Variants in TMEM117 observed in about 807,000 individuals in gnomAD.
The protein encoded by TMEM117 is transmembrane protein 117.
TMEM117 carries 27 observed loss-of-function variants against 52.4 expected under a neutral mutation model. The observed-to-expected ratio is 0.51, with a 90% confidence interval of 0.38 to 0.71. TMEM117 has a LOEUF of 0.71. Ranked by LOEUF, TMEM117 falls within the 30% of genes least tolerant of loss-of-function variation. TMEM117 has a pLI of 0.00. For synonymous variants in TMEM117, 215 were observed against 206.3 expected, an observed-to-expected ratio of 1.04 and a Z score of -0.36; for missense variants, 556 against 630.5, an observed-to-expected ratio of 0.88 and a Z score of 1.26.
chr12:43,952,667 A>G (rs1217509223), intron 3 of TMEM117, among the ~76,000 whole-genome samples: 1 of 152,212 alleles, frequency 6.6e-6, no homozygotes, highest in East Asian at 1.9e-4. Context: ...CTTACAACTG[A>G]TTGAAGTACC....
intron 5 of TMEM117, among the ~76,000 whole-genome samples, chr12:44,240,167 T>G (rs922927609): frequency 2.6e-5 from 4 of 152,134 alleles, no homozygotes; most frequent in African/African-American, 9.6e-5. Context: ...TGTATTCTGC[T>G]GCATGATTTA....
At chr12:43,883,972 A>T (rs1055434144) in intron 2 of TMEM117, among the ~76,000 whole-genome samples, 2 of 151,988 alleles carry the variant, frequency 1.3e-5, no homozygotes, top group African/African-American at 4.8e-5. Flanking sequence ...CCCTGACTCT[A>T]CAAGAAATAC....
intron 5 of TMEM117, among the ~76,000 whole-genome samples, chr12:44,277,858 G>A (rs1274654566): frequency 1.3e-5 from 2 of 149,860 alleles, no homozygotes; most frequent in Non-Finnish European, 3.0e-5. Context: ...CCACCTTCCG[G>A]GTTCAAGCGA....
chr12:44,106,558 T>C (rs1331767917), intron 3 of TMEM117, among the ~76,000 whole-genome samples: 1 of 152,054 alleles, frequency 6.6e-6, no homozygotes, highest in Non-Finnish European at 1.5e-5. Flanking sequence ...ATTTTTGAGA[T>C]CTATTGCACA....
At chr12:43,887,139 G>A (rs746655715) in intron 2 of TMEM117, among the ~76,000 whole-genome samples, 2 of 152,142 alleles carry the variant, frequency 1.3e-5, no homozygotes, top group Admixed American at 6.5e-5. Context: ...GTGTGCCACC[G>A]TGCCTGGCCT....
chr12:43,796,090 T>C, the TMEM117 span, among the ~76,000 whole-genome samples: 8 of 152,208 alleles, frequency 5.3e-5, no homozygotes, highest in Non-Finnish European at 1.2e-4. Context: ...CTTGGGTCAC[T>C]TGAAAGCCCT....
At chr12:43,898,702 C>T (rs1188641197) in intron 2 of TMEM117, among the ~76,000 whole-genome samples, 1 of 152,136 alleles carries the variant, frequency 6.6e-6, no homozygotes, top group Non-Finnish European at 1.5e-5. Context: ...TAACTTACTT[C>T]ACAATGTACA....
chr12:43,924,887 G>A (rs958703233), intron 2 of TMEM117, among the ~76,000 whole-genome samples: 2 of 152,104 alleles, frequency 1.3e-5, no homozygotes, highest in African/African-American at 4.8e-5. Flanking sequence ...TCTGGCTTGG[G>A]ATCTCTCATG....
intron 4 of TMEM117, among the ~76,000 whole-genome samples, chr12:44,151,962 T>G (rs1440912797): frequency 8.3e-6 from 1 of 120,564 alleles, no homozygotes; most frequent in East Asian, 2.6e-4. Flanking sequence ...ATATATTATA[T>G]AAATATAAGT....
chr12:44,221,721 CAG>C (rs1349293644), intron 5 of TMEM117, among the ~76,000 whole-genome samples: 1 of 149,844 alleles, frequency 6.7e-6, no homozygotes, highest in Non-Finnish European at 1.5e-5. Context: ...TTTTTTGAGA[CAG>C]AGTCTCACTC....
chr12:44,338,795 A>G (rs1401170669), intron 6 of TMEM117, among the ~76,000 whole-genome samples: 1 of 152,128 alleles, frequency 6.6e-6, no homozygotes, highest in East Asian at 1.9e-4. Context: ...CAAGATAATA[A>G]TGTTTTATCA....
chr12:44,218,811 G>T (rs892120330), intron 5 of TMEM117, among the ~76,000 whole-genome samples: 1 of 151,992 alleles, frequency 6.6e-6, no homozygotes, highest in Non-Finnish European at 1.5e-5. Flanking sequence ...TGTATTCCTG[G>T]TACTGGGCTT....
At chr12:43,868,009 A>T (rs1472288585) in intron 2 of TMEM117, among the ~76,000 whole-genome samples, 2 of 151,586 alleles carry the variant, frequency 1.3e-5, no homozygotes, top group Non-Finnish European at 2.9e-5. Context: ...GCATATATTG[A>T]TCCATAATAA....
intron 3 of TMEM117, among the ~76,000 whole-genome samples, chr12:43,958,083 A>G (rs1945337434): frequency 6.6e-6 from 1 of 152,356 alleles, no homozygotes; most frequent in East Asian, 1.9e-4. Context: ...GGAAATACAT[A>G]GTGAACTCTT....
chr12:44,179,620 G>T (rs989415376), intron 4 of TMEM117, among the ~76,000 whole-genome samples: 10 of 152,172 alleles, frequency 6.6e-5, no homozygotes, highest in African/African-American at 2.2e-4. Flanking sequence ...CCAGTTGGAT[G>T]GTGCCCACCA....
intron 4 of TMEM117, among the ~76,000 whole-genome samples, chr12:44,155,690 G>T (rs1420315150): frequency 6.6e-6 from 1 of 152,040 alleles, no homozygotes; most frequent in African/African-American, 2.4e-5. Flanking sequence ...GGGCAGCTGC[G>T]TTGAACCAGA....
chr12:43,841,632 T>C (rs747137941), intron 1 of TMEM117, among the ~76,000 whole-genome samples: 49 of 152,186 alleles, frequency 3.2e-4, no homozygotes, highest in Non-Finnish European at 2.9e-5. Context: ...AAAATAAGTA[T>C]GTGCTAGCCT....
intron 2 of TMEM117, among the ~76,000 whole-genome samples, chr12:43,899,974 C>G (rs1374652555): frequency 1.3e-5 from 2 of 152,176 alleles, no homozygotes; most frequent in Non-Finnish European, 2.9e-5. Context: ...GGTAAGCATT[C>G]AGTGAGTGTT....
chr12:44,174,739 A>G (rs1156650099), intron 4 of TMEM117, among the ~76,000 whole-genome samples: 2 of 152,212 alleles, frequency 1.3e-5, no homozygotes, highest in Non-Finnish European at 2.9e-5. Flanking sequence ...GAAAACAAAT[A>G]TATTTAAATG....
Sources: allele counts gnomAD v4.1 joint callset (sites outside exome capture counted in the v4.1 genomes callset), GRCh38; gene constraint gnomAD v4.1.1; transcripts MANE v1.5; gene names NCBI Gene and HGNC (gene_info 2026-07-23, HGNC 2026-07-21).